Variants in NEBL observed in about 807,000 individuals in gnomAD.
NEBL encodes the protein nebulette.
A neutral mutation model predicts 140.2 loss-of-function variants in NEBL; 122 were observed. That is an observed-to-expected ratio of 0.87 (90% CI 0.75 to 1.01). The LOEUF is 1.01. Among genes scored for constraint, NEBL ranks in the 50% least tolerant of loss-of-function variants. NEBL has a pLI of 0.00. For synonymous variants in NEBL, 436 were observed against 398.9 expected, an observed-to-expected ratio of 1.09 and a Z score of -1.11; for missense variants, 1,365 against 1,231.3, an observed-to-expected ratio of 1.11 and a Z score of -1.62.
chr10:21,160,585 G>T (rs893856922), intron 2 of NEBL, among the ~76,000 whole-genome samples: 1 of 139,244 alleles, frequency 7.2e-6, no homozygotes, highest in Non-Finnish European at 1.5e-5. Flanking sequence ...AGAGAACTAC[G>T]TCACTGGCAA....
intron 2 of NEBL, among the ~76,000 whole-genome samples, chr10:20,891,124 G>A (rs1486754314): frequency 3.3e-5 from 5 of 152,034 alleles, no homozygotes; most frequent in African/African-American, 7.3e-5. Flanking sequence ...CTGATTTGAC[G>A]GGCATTACTT....
intron 4 of NEBL, among the ~76,000 whole-genome samples, chr10:20,905,686 A>C (rs1385284069): frequency 2.6e-5 from 4 of 152,126 alleles, no homozygotes; most frequent in African/African-American, 9.7e-5. Flanking sequence ...AGTCAAAATG[A>C]TGATAAGGCA....
intron 2 of NEBL, among the ~76,000 whole-genome samples, chr10:21,022,784 C>T (rs1434766106): frequency 1.3e-5 from 2 of 152,114 alleles, no homozygotes; most frequent in East Asian, 1.9e-4. Context: ...CTTGTATAAC[C>T]GCTGGACTGT....
At chr10:20,928,984 T>C (rs1355826017) in intron 4 of NEBL, among the ~76,000 whole-genome samples, 1 of 152,098 alleles carries the variant, frequency 6.6e-6, no homozygotes, top group Non-Finnish European at 1.5e-5. Context: ...TCTCTTACCT[T>C]CTTAATTCTC....
At chr10:20,957,501 A>C (rs1479761006) in intron 4 of NEBL, among the ~76,000 whole-genome samples, 1 of 152,174 alleles carries the variant, frequency 6.6e-6, no homozygotes, top group Non-Finnish European at 1.5e-5. Flanking sequence ...AGATAATTAA[A>C]ATTGTGAACA....
At position 21,173,438 on chromosome 10, in the gene NEBL, C is replaced by G. The variant is rs868701707; in HGVS notation, c.69+327G>C. ...ACGAGTGGAGGTGGAGGGGGCGCGG[C>G]TCGCCGAAGTGCCCCCCTGGGTGCC... On this transcript the variant is annotated intron_variant, in intron 1 of 6. Transcript: ENST00000417816. This position sits in a 1 kb window ranked among gnomAD's most constrained non-coding sequence, Gnocchi z 5.7. Among the ~76,000 whole-genome samples, 1 of 152,010 alleles carries G rather than the reference C, an allele frequency of 6.6e-6. No individual in the cohort carries two copies. Among genetic ancestry groups the G allele is most frequent in the Admixed American group, 6.6e-5 (1 of 15,264 alleles).
chr10:21,205,497 T>C (rs1022285104), intron 3 of NEBL, among the ~76,000 whole-genome samples: 2 of 152,170 alleles, frequency 1.3e-5, no homozygotes, highest in African/African-American at 4.8e-5. Flanking sequence ...ATTGCAGAAG[T>C]ATATTTTTAA....
chr10:20,937,837 C>T (rs1011897558), intron 4 of NEBL, among the ~76,000 whole-genome samples: 1 of 152,138 alleles, frequency 6.6e-6, no homozygotes, highest in Non-Finnish European at 1.5e-5. Context: ...GAGCCTCGCT[C>T]ATTGCTAGCA....
At chr10:21,095,816 T>C (rs1837160887) in intron 2 of NEBL, among the ~76,000 whole-genome samples, 2 of 152,214 alleles carry the variant, frequency 1.3e-5, no homozygotes, top group South Asian at 4.1e-4. Flanking sequence ...GTTATCTCTC[T>C]CATGCCTCCC....
At chr10:21,170,310 C>T (rs1413359500) in intron 2 of NEBL, 1 of 152,198 alleles carries the variant, frequency 6.6e-6, no homozygotes, top group Non-Finnish European at 1.5e-5. Flanking sequence ...ATTGTTATCA[C>T]TGGGGTTAAA....
At chr10:21,292,998 G>A (rs1384935666) in exon 1 of NEBL, among the ~76,000 whole-genome samples, 1 of 152,196 alleles carries the variant, frequency 6.6e-6, no homozygotes, top group Non-Finnish European at 1.5e-5. Context: ...CAGAGAGCAA[G>A]TAAAAGAGTC....
chr10:20,926,620 T>C (rs184655308), intron 4 of NEBL, among the ~76,000 whole-genome samples: 1 of 152,320 alleles, frequency 6.6e-6, no homozygotes, highest in African/African-American at 2.4e-5. Flanking sequence ...GAAAGAAATC[T>C]GTCCCTCATT....
At chr10:21,154,101 T>C (rs532671366) in intron 2 of NEBL, among the ~76,000 whole-genome samples, 12 of 152,200 alleles carry the variant, frequency 7.9e-5, no homozygotes, top group African/African-American at 2.4e-4. Flanking sequence ...AAGGAACTTC[T>C]CATATTATTA....
At chr10:20,801,635 AG>A (rs1837130075) in intron 26 of NEBL, among the ~76,000 whole-genome samples, 1 of 152,088 alleles carries the variant, frequency 6.6e-6, no homozygotes. Flanking sequence ...TTGTGTTCCC[AG>A]TATCTCACAC....
intron 2 of NEBL, chr10:21,029,783 C>A: frequency 2.6e-6 from 2 of 758,692 alleles, no homozygotes; most frequent in Non-Finnish European, 4.8e-6. Context: ...CTATGATGAC[C>A]GAGGCAGCAG....
At chr10:21,019,970 C>T in intron 3 of NEBL, 1 of 740,242 alleles carries the variant, frequency 1.4e-6, no homozygotes, top group Non-Finnish European at 2.5e-6. Flanking sequence ...TCAACACTTT[C>T]ACCCGGAATT....
At chr10:21,022,905 T>C (rs1236225206) in intron 2 of NEBL, among the ~76,000 whole-genome samples, 1 of 152,184 alleles carries the variant, frequency 6.6e-6, no homozygotes, top group Non-Finnish European at 1.5e-5. Flanking sequence ...ACGAGTAAGG[T>C]GTAGCAGGTA....
intron 1 of NEBL, among the ~76,000 whole-genome samples, chr10:21,268,744 C>G (rs895270847): frequency 6.6e-6 from 1 of 151,692 alleles, no homozygotes. Context: ...AGGCTGGTCT[C>G]GAACTTCTGA....
chr10:21,172,778 G>T (rs1242356075), intron 1 of NEBL, among the ~76,000 whole-genome samples: 1 of 152,170 alleles, frequency 6.6e-6, no homozygotes, highest in Non-Finnish European at 1.5e-5. Context: ...TCTGAGCTCG[G>T]TTAATGAAGA....
Sources: allele counts gnomAD v4.1 joint callset (sites outside exome capture counted in the v4.1 genomes callset), GRCh38; gene constraint gnomAD v4.1.1; non-coding constraint Gnocchi (gnomAD v3.1); transcripts MANE v1.5; gene names NCBI Gene and HGNC (gene_info 2026-07-23, HGNC 2026-07-21).